ZBBX: variants seen among roughly 807,000 people sequenced by gnomAD.
ZBBX encodes zinc finger B-box domain-containing protein 1.
Under a neutral mutation model 108.5 loss-of-function variants are expected in ZBBX, and 101 were observed. The ratio of observed to expected loss-of-function variants is 0.93; its 90% CI spans 0.79 to 1.10. ZBBX has a LOEUF of 1.10. Ranked by LOEUF, ZBBX falls within the 50% of genes least tolerant of loss-of-function variation. The pLI is 0.00. For missense variants in ZBBX, 1,009 were observed against 941.4 expected, an observed-to-expected ratio of 1.07 and a Z score of -0.94; for synonymous variants, 356 against 323.4, an observed-to-expected ratio of 1.10 and a Z score of -1.08.
intron 20 of ZBBX, among the ~76,000 whole-genome samples, chr3:167,281,155 A>G (rs1728744219): frequency 6.6e-6 from 1 of 152,208 alleles, no homozygotes; most frequent in African/African-American, 2.4e-5. Context: ...CTAATGCTAG[A>G]TGATGAGTTA....
At chr3:167,286,568 A>C (rs1368910218) in intron 19 of ZBBX, among the ~76,000 whole-genome samples, 2 of 152,170 alleles carry the variant, frequency 1.3e-5, no homozygotes, top group African/African-American at 4.8e-5. Flanking sequence ...GACAAATGAG[A>C]GATGAAGACA....
chr3:167,188,367 G>C, the ZBBX span, among the ~76,000 whole-genome samples: 1 of 151,670 alleles, frequency 6.6e-6, no homozygotes, highest in Non-Finnish European at 1.5e-5. Context: ...ATGACACTTA[G>C]ACAGATTGTG....
At chr3:167,179,696 G>C in the ZBBX span, among the ~76,000 whole-genome samples, 3 of 152,296 alleles carry the variant, frequency 2.0e-5, no homozygotes, top group African/African-American at 7.2e-5. Flanking sequence ...TTGAGCTGAA[G>C]TATAGGGCAT....
intron 1 of ZBBX, among the ~76,000 whole-genome samples, chr3:167,397,956 G>T (rs1475211275): frequency 6.6e-6 from 1 of 151,652 alleles, no homozygotes; most frequent in Non-Finnish European, 1.5e-5. Flanking sequence ...AGAGGATAGG[G>T]GTAAAGAAAC....
In ZBBX at chr3:167,239,933, ATTC is replaced by A. The variant is rs2108298595; in HGVS notation, c.*857_*859del. On this transcript the variant is annotated 3_prime_UTR_variant, in exon 22 of 22. Coordinates refer to ENST00000675490, the MANE Select transcript of ZBBX (RefSeq NM_001199201.2). ...TCATGGTGAAAGGGGAAGCAAACACATTCTTCTTCAAGTGGAGCAGCAAAGAGA... is the reference window on the plus strand; with the variant it reads ...TCATGGTGAAAGGGGAAGCAAACACATTCTTCAAGTGGAGCAGCAAAGAGA... 6.6e-6 allele frequency among the ~76,000 whole-genome samples: 1 copy of A among 152,268 alleles called. No homozygotes were observed. The highest frequency in any genetic ancestry group is 2.1e-4 in the South Asian group (1 of 4,830).
chr3:167,284,961 A>AT (rs201709393), intron 19 of ZBBX, among the ~76,000 whole-genome samples: 43 of 151,910 alleles, frequency 2.8e-4, no homozygotes, highest in African/African-American at 8.2e-4. Context: ...ATCATTCCAT[A>AT]TTTTTTTTAA....
chr3:167,198,518 T>C, the ZBBX span, among the ~76,000 whole-genome samples: 2 of 152,174 alleles, frequency 1.3e-5, no homozygotes, highest in African/African-American at 4.8e-5. Context: ...TATATTAATA[T>C]AGATCCTGTG....
the ZBBX span, among the ~76,000 whole-genome samples, chr3:167,184,784 T>C: frequency 6.6e-6 from 1 of 152,130 alleles, no homozygotes; most frequent in Non-Finnish European, 1.5e-5. Flanking sequence ...GCAATTTAAA[T>C]TTGGTAATAC....
At position 167,242,579 on chromosome 3, in the gene ZBBX, CAG is replaced by C; in HGVS notation, c.2317_2318del (p.Leu773GlufsTer11). On this transcript the variant is annotated frameshift_variant, in exon 21 of 22. Transcript: ENST00000675490. LOFTEE classifies it high-confidence loss of function. ...AATCTGTGGAAATCTGACTTATATT[CAG>C]TGATTGGCTGCTGAAATCTGGGAAC... is the stretch of plus-strand genomic sequence containing the variant. ...EEFPDFSSQS[L>X]NISQISTDFL... is the part of the protein sequence containing the mutation. The C allele has an allele frequency of 1.2e-6, 2 of 1,613,718 alleles. No individual in the cohort carries two copies. The highest frequency in any genetic ancestry group is 1.7e-6 in the Non-Finnish European group (2 of 1,179,816).
intron 20 of ZBBX, among the ~76,000 whole-genome samples, chr3:167,244,389 A>G (rs1721204067): frequency 6.6e-6 from 1 of 152,226 alleles, no homozygotes; most frequent in Non-Finnish European, 1.5e-5. Flanking sequence ...CTGAAACCCA[A>G]CAGCAATGCT....
the ZBBX span, among the ~76,000 whole-genome samples, chr3:167,181,967 G>T: frequency 6.6e-6 from 1 of 152,158 alleles, no homozygotes; most frequent in African/African-American, 2.4e-5. Context: ...GCAGGCCTGG[G>T]ACGGGCCCCT....
chr3:167,273,954 A>T (rs899336471), intron 20 of ZBBX, among the ~76,000 whole-genome samples: 1 of 152,198 alleles, frequency 6.6e-6, no homozygotes, highest in African/African-American at 2.4e-5. Context: ...ATCTACTATA[A>T]TCAGCAATGA....
chr3:167,317,095 G>A lies in ZBBX; in HGVS notation c.1104C>T (p.Thr368=), dbSNP rs750054359. The A allele has an allele frequency of 1.2e-6, 2 of 1,602,636 alleles. No individual in the cohort carries two copies. The highest frequency in any genetic ancestry group is 1.7e-6 in the Non-Finnish European group (2 of 1,172,188). ...ENDEDSDGEE[T]KVQHTALLLP... is the part of the protein sequence containing the mutation. ...ATAAAAGAGCTGTGTGTTGTACTTT[G>A]GTCTCCTCACCTAGGAAATAAGATT... is the stretch of plus-strand genomic sequence containing the variant. The change falls in exon 14 of 22, where the codon ACC becomes ACT. Residue 368 remains threonine, a synonymous_variant. Transcript: ENST00000675490.
In ZBBX at chr3:167,263,032, G is replaced by GTTT. The variant is rs1192290285; in HGVS notation, c.2254+19205_2254+19206insAAA. ...GGTTTGGTTTGTGCTTGCTTTTCTAGTTCTTTTTTTTTTTTTTTTTTTTGA... is the reference window on the plus strand; with the variant it reads ...GGTTTGGTTTGTGCTTGCTTTTCTAGTTTTTCTTTTTTTTTTTTTTTTTTTTGA... On this transcript the variant is annotated intron_variant, in intron 20 of 21. Coordinates refer to ENST00000675490, the MANE Select transcript of ZBBX (RefSeq NM_001199201.2). 9.9e-5 allele frequency among the ~76,000 whole-genome samples: 11 copies of GTTT among 111,050 alleles called. 1 individual carries two copies. The highest frequency in any genetic ancestry group is 3.4e-4 in the Admixed American group (3 of 8,890). The allele number at this position is 111,050 out of a possible 152,430, so 72.9% of individuals were successfully genotyped here. A position where few individuals can be genotyped will look rare whatever the true frequency, so the allele number is the denominator to read the frequency against.
chr3:167,390,367 C>A (rs144883081), intron 1 of ZBBX, among the ~76,000 whole-genome samples: 1 of 151,844 alleles, frequency 6.6e-6, no homozygotes, highest in Non-Finnish European at 1.5e-5. Flanking sequence ...GTTACCATAG[C>A]CTTTGTAGTA....
the ZBBX span, among the ~76,000 whole-genome samples, chr3:167,179,069 A>T: frequency 2.0e-5 from 3 of 152,190 alleles, no homozygotes; most frequent in Non-Finnish European, 4.4e-5. Flanking sequence ...AATGCCCATC[A>T]CCGAGAAACA....
intron 1 of ZBBX, among the ~76,000 whole-genome samples, chr3:167,404,749 A>C (rs1049955863): frequency 3.3e-5 from 5 of 152,176 alleles, no homozygotes; most frequent in African/African-American, 1.2e-4. Flanking sequence ...TAATAGAACA[A>C]TCATTTAACA....
intron 10 of ZBBX, among the ~76,000 whole-genome samples, chr3:167,328,375 A>C (rs1459814467): frequency 1.3e-5 from 2 of 152,142 alleles, no homozygotes. Flanking sequence ...CTAATGACTT[A>C]TCATTATGCT....
the ZBBX span, among the ~76,000 whole-genome samples, chr3:167,192,502 G>T: frequency 6.6e-6 from 1 of 152,060 alleles, no homozygotes; most frequent in Non-Finnish European, 1.5e-5. Flanking sequence ...ATGAATTTGA[G>T]CTTCTTTATA....
Sources: gnomAD v4.1 joint callset for allele counts (sites outside exome capture counted in the v4.1 genomes callset) on GRCh38, gnomAD v4.1.1 for gene constraint, MANE v1.5 for transcripts, NCBI Gene and HGNC (gene_info 2026-07-23, HGNC 2026-07-21) for gene names.